OSBPL6: variants seen among roughly 807,000 people sequenced by gnomAD.
OSBPL6 encodes oxysterol-binding protein-related protein 6.
OSBPL6 carries 49 observed loss-of-function variants against 125.8 expected under a neutral mutation model. That is an observed-to-expected ratio of 0.39 (90% CI 0.31 to 0.49). The LOEUF is 0.49. Among genes scored for constraint, OSBPL6 ranks in the 20% least tolerant of loss-of-function variants. The probability of loss-of-function intolerance (pLI) is 0.88; values close to 1 mark genes in which losing one functional copy is unlikely to be tolerated. For synonymous variants in OSBPL6, 394 were observed against 391.8 expected, an observed-to-expected ratio of 1.01 and a Z score of -0.07; for missense variants, 986 against 1,135.4, an observed-to-expected ratio of 0.87 and a Z score of 1.89.
intron 1 of OSBPL6, among the ~76,000 whole-genome samples, chr2:178,252,334 C>A (rs1015278247): frequency 2.9e-5 from 3 of 105,252 alleles, no homozygotes; most frequent in African/African-American, 4.4e-5. Context: ...CTGTTGCCAA[C>A]TACTCAATTC....
intron 11 of OSBPL6, among the ~76,000 whole-genome samples, chr2:178,346,593 G>C (rs973082066): frequency 6.6e-6 from 1 of 152,028 alleles, no homozygotes; most frequent in Non-Finnish European, 1.5e-5. Flanking sequence ...TCCTGCGCAG[G>C]GTAGAAAGGC....
intron 1 of OSBPL6, among the ~76,000 whole-genome samples, chr2:178,267,872 A>G (rs1197857025): frequency 6.6e-6 from 1 of 151,844 alleles, no homozygotes; most frequent in Non-Finnish European, 1.5e-5. Flanking sequence ...TTATTGCCAA[A>G]TGAATGACGC....
intron 1 of OSBPL6, among the ~76,000 whole-genome samples, chr2:178,263,806 CGTGTGT>C (rs71393413): frequency 0.023 from 3,470 of 147,866 alleles, 54 homozygotes; most frequent in Middle Eastern, 0.066. Context: ...ACTGTGTACA[CGTGTGT>C]GTGTGTGTGT....
intron 13 of OSBPL6, among the ~76,000 whole-genome samples, chr2:178,364,926 C>T (rs944462499): frequency 6.6e-6 from 1 of 152,152 alleles, no homozygotes; most frequent in African/African-American, 2.4e-5. Context: ...TCAAAATAAT[C>T]CCAGCACTTT....
chr2:178,265,240 C>G lies in OSBPL6; in HGVS notation c.-350-19687C>G, dbSNP rs375475815. ...TTTTTTTTTTTTTTTAAGATAGCAT[C>G]TTGCTCTGTCACCCAGGCTGGAGTA... On this transcript the variant is annotated intron_variant, in intron 1 of 24. Transcript: ENST00000190611. Among the ~76,000 whole-genome samples, 4 of 100,554 alleles carry G rather than the reference C, an allele frequency of 4.0e-5. No individual in the cohort carries two copies. The East Asian group carries it at 1.4e-3, about 35-fold the overall frequency. The allele number at this position is 100,554 out of a possible 152,430, so 66.0% of individuals were successfully genotyped here.
At chr2:178,344,185 A>C in intron 11 of OSBPL6, 2 of 1,041,900 alleles carry the variant, frequency 1.9e-6, no homozygotes, top group Non-Finnish European at 2.9e-6. Context: ...CTTCAGTTAA[A>C]AACTCTCCCT....
intron 21 of OSBPL6, 133 bp downstream of exon 21, chr2:178,389,286 G>C: frequency 1.1e-6 from 1 of 909,388 alleles, no homozygotes; most frequent in Non-Finnish European, 1.6e-6. Context: ...TTTTAGATAA[G>C]AAAGCAGAAC....
chr2:178,305,617 T>C (rs1361485071), intron 2 of OSBPL6, among the ~76,000 whole-genome samples: 3 of 152,234 alleles, frequency 2.0e-5, no homozygotes, highest in Non-Finnish European at 4.4e-5. Context: ...TTGTGTTGGA[T>C]TAACCGTCAC....
At chr2:178,363,486 G>A (rs58548987) in intron 13 of OSBPL6, among the ~76,000 whole-genome samples, 36 of 152,252 alleles carry the variant, frequency 2.4e-4, no homozygotes, top group Non-Finnish European at 3.4e-4. Context: ...GGAGCACACC[G>A]TAGTACATTC....
At chr2:178,385,596 G>A in intron 19 of OSBPL6, 75 bp downstream of exon 19, 1 of 1,130,378 alleles carries the variant, frequency 8.8e-7, no homozygotes, top group Non-Finnish European at 1.3e-6. Context: ...AAGGGACACT[G>A]TATTCAGTTT....
chr2:178,306,280 T>C lies in OSBPL6; in HGVS notation c.96T>C (p.Ser32=), dbSNP rs780436383. ...ASSSTSSQRD[S]RQSIHILERT... ...CTTCAACATCCTCCCAAAGGGACAG[T>C]AGGCAGGTAAGAGAAGAGCATTAAG... is the stretch of plus-strand genomic sequence containing the variant. The change falls in exon 3 of 25, where the codon AGT becomes AGC. Residue 32 remains serine, a synonymous_variant. Transcript: ENST00000190611. The C allele has an allele frequency of 1.2e-6, 2 of 1,605,492 alleles. No individual in the cohort carries two copies. The highest frequency in any genetic ancestry group is 1.1e-5 in the South Asian group (1 of 90,898).
intron 12 of OSBPL6, among the ~76,000 whole-genome samples, chr2:178,352,140 C>G (rs750048156): frequency 1.3e-5 from 2 of 152,188 alleles, no homozygotes; most frequent in Non-Finnish European, 2.9e-5. Context: ...AGAATAGGAA[C>G]AGCTCCATTC....
intron 1 of OSBPL6, among the ~76,000 whole-genome samples, chr2:178,220,332 T>C (rs1010710810): frequency 3.3e-5 from 5 of 152,156 alleles, no homozygotes; most frequent in Admixed American, 3.3e-4. Flanking sequence ...GGTCTTACTC[T>C]GTCACCTACG....
At chr2:178,250,477 C>T (rs1057082158) in intron 1 of OSBPL6, among the ~76,000 whole-genome samples, 7 of 152,148 alleles carry the variant, frequency 4.6e-5, no homozygotes, top group East Asian at 3.8e-4. Flanking sequence ...CTTTCACTCC[C>T]CTTTCCTAAG....
chr2:178,325,658 C>T (rs868324431), intron 4 of OSBPL6, among the ~76,000 whole-genome samples: 6 of 152,330 alleles, frequency 3.9e-5, no homozygotes, highest in South Asian at 2.1e-4. Context: ...ACCTACTTTA[C>T]GCCAGGCACT....
intron 1 of OSBPL6, among the ~76,000 whole-genome samples, chr2:178,278,807 G>GA (rs1218730237): frequency 1.3e-5 from 2 of 152,074 alleles, no homozygotes; most frequent in African/African-American, 4.8e-5. Context: ...GCTGCCAGTG[G>GA]AAAAAAGCAA....
At chr2:178,257,724 C>G (rs2091930260) in intron 1 of OSBPL6, among the ~76,000 whole-genome samples, 2 of 151,852 alleles carry the variant, frequency 1.3e-5, no homozygotes, top group African/African-American at 2.4e-5. Flanking sequence ...AAGGTTGTGA[C>G]TTTCTCAGGG....
intron 2 of OSBPL6, among the ~76,000 whole-genome samples, chr2:178,287,655 T>C (rs1299641192): frequency 6.6e-6 from 1 of 152,164 alleles, no homozygotes; most frequent in Non-Finnish European, 1.5e-5. Context: ...TATCTCATTT[T>C]CTACATGAAT....
intron 15 of OSBPL6, among the ~76,000 whole-genome samples, chr2:178,380,315 G>A (rs144139547): frequency 1.0e-3 from 152 of 151,806 alleles, no homozygotes; most frequent in Admixed American, 4.3e-3. Flanking sequence ...GCAAGGCATG[G>A]GAGTGTGTGC....
Sources: gnomAD v4.1 joint callset for allele counts (sites outside exome capture counted in the v4.1 genomes callset) on GRCh38, gnomAD v4.1.1 for gene constraint, MANE v1.5 for transcripts, NCBI Gene and HGNC (gene_info 2026-07-23, HGNC 2026-07-21) for gene names.